The following PCDHA9 variants were observed in gnomAD, a reference collection of about 807,000 sequenced individuals.
PCDHA9 encodes protocadherin alpha 9, also known as protocadherin alpha-9.
PCDHA9 carries 62 observed loss-of-function variants against 62.0 expected under a neutral mutation model. The observed-to-expected ratio is 1.00, with a 90% CI of 0.81 to 1.23. The LOEUF (loss-of-function observed/expected upper bound fraction) is 1.23. PCDHA9 is among the 50% of genes most tolerant of loss of function. The pLI, the probability that PCDHA9 is intolerant of heterozygous loss-of-function variation, is 0.00. For synonymous variants in PCDHA9, 557 were observed against 567.6 expected, an observed-to-expected ratio of 0.98 and a Z score of 0.27; for missense variants, 1,205 against 1,249.8, an observed-to-expected ratio of 0.96 and a Z score of 0.54.
At position 140,927,227 on chromosome 5, in the gene PCDHA9, T is replaced by G. The variant is rs782721972; in HGVS notation, c.2395-51722T>G. The G allele has an allele frequency of 3.2e-5, 51 of 1,613,848 alleles. No individual in the cohort carries two copies. The highest frequency in any genetic ancestry group is 1.6e-4 in the Middle Eastern group (1 of 6,084). ...CCGCTGGAGCTGCACAAGATTCGGA[T>G]TCACGTCCTGGACACCAATGACAAC... On this transcript the variant is annotated intron_variant, in intron 1 of 3. Coordinates refer to ENST00000532602, the MANE Select transcript of PCDHA9 (RefSeq NM_031857.2).
intron 1 of PCDHA9, chr5:140,857,901 G>C: frequency 1.3e-6 from 2 of 1,597,732 alleles, no homozygotes; most frequent in Non-Finnish European, 1.7e-6. Context: ...GTTGGTGCAC[G>C]CATCCCGTTT....
intron 1 of PCDHA9, among the ~76,000 whole-genome samples, chr5:140,916,590 G>A (rs1022726274): frequency 2.0e-5 from 3 of 152,182 alleles, no homozygotes; most frequent in Non-Finnish European, 4.4e-5. Flanking sequence ...CCATGAGCTA[G>A]GGCCTGGAAT....
Position 141,010,647 on chromosome 5 carries a change from GT to G in PCDHA9, c.*714del, listed in dbSNP as rs782752760. ...CATACCTGCAAGCCAACAGTTCAGT[GT>G]TTTAACAGAGAACCACCCTGGGAAA... On this transcript the variant is annotated 3_prime_UTR_variant, in exon 4 of 4. Coordinates refer to ENST00000532602, the MANE Select transcript of PCDHA9 (RefSeq NM_031857.2). 4.6e-5 allele frequency: 8 copies of G among 173,154 alleles called. No homozygotes were observed. Among genetic ancestry groups the G allele is most frequent in the Admixed American group, 1.2e-4 (2 of 16,978 alleles). 10.7% of individuals were successfully genotyped at this position (173,154 alleles called of 1,614,324 possible).
At chr5:140,913,789 T>C (rs2076466373) in intron 1 of PCDHA9, among the ~76,000 whole-genome samples, 1 of 152,176 alleles carries the variant, frequency 6.6e-6, no homozygotes, top group African/African-American at 2.4e-5. Context: ...CCATTATCAT[T>C]TGTTTGAATC....
intron 1 of PCDHA9, chr5:140,966,278 T>TGG (rs1173319352): frequency 3.6e-5 from 13 of 363,192 alleles, no homozygotes; most frequent in Admixed American, 2.8e-4. Context: ...AACTGGACAG[T>TGG]GGGGGTAGGG....
chr5:140,905,342 TGTAA>T (rs2071759657), intron 1 of PCDHA9, among the ~76,000 whole-genome samples: 1 of 152,234 alleles, frequency 6.6e-6, no homozygotes, highest in Non-Finnish European at 1.5e-5. Context: ...ATCAGTTGGC[TGTAA>T]GTATTTGACT....
chr5:140,853,347 T>A, intron 1 of PCDHA9: 1 of 983,892 alleles, frequency 1.0e-6, no homozygotes. Context: ...TTAGCAAACA[T>A]GAACTCACAG....
intron 1 of PCDHA9, among the ~76,000 whole-genome samples, chr5:140,930,790 A>G (rs155822): frequency 0.047 from 7,177 of 152,302 alleles, 299 homozygotes; most frequent in African/African-American, 0.11. Context: ...ACAATATAAT[A>G]GAATCCAGCA....
intron 1 of PCDHA9, among the ~76,000 whole-genome samples, chr5:140,878,558 C>T: frequency 6.6e-6 from 1 of 152,172 alleles, no homozygotes; most frequent in African/African-American, 2.4e-5. Flanking sequence ...TGATCCCAAA[C>T]TTATCATAGT....
intron 3 of PCDHA9, among the ~76,000 whole-genome samples, chr5:141,003,377 T>C (rs2098121331): frequency 6.6e-6 from 1 of 152,180 alleles, no homozygotes; most frequent in African/African-American, 2.4e-5. Context: ...AGTGGTGCAA[T>C]CTCAGCTCAC....
intron 1 of PCDHA9, chr5:140,871,249 C>A (rs782675743): frequency 8.1e-6 from 13 of 1,613,984 alleles, no homozygotes; most frequent in South Asian, 1.1e-5. Flanking sequence ...CACGCTGCTG[C>A]TGTATACGGC....
chr5:140,871,329 C>T (rs1164407502), intron 1 of PCDHA9: 3 of 1,614,060 alleles, frequency 1.9e-6, no homozygotes, highest in African/African-American at 2.7e-5. Flanking sequence ...TGTGCTCCCG[C>T]GCGGTGGGGA....
At chr5:140,970,884 A>G (rs1013057138) in intron 1 of PCDHA9, among the ~76,000 whole-genome samples, 1 of 152,218 alleles carries the variant, frequency 6.6e-6, no homozygotes, top group Admixed American at 6.5e-5. Context: ...GATTTTTCTC[A>G]TGGACATTTC....
At chr5:140,882,457 G>A (rs781908788) in intron 1 of PCDHA9, 2 of 1,613,938 alleles carry the variant, frequency 1.2e-6, no homozygotes, top group East Asian at 2.2e-5. Flanking sequence ...TGCCGCGCCT[G>A]TTCCGGGTGG....
chr5:140,893,636 G>A (rs2064097174), intron 1 of PCDHA9, among the ~76,000 whole-genome samples: 1 of 152,170 alleles, frequency 6.6e-6, no homozygotes, highest in Non-Finnish European at 1.5e-5. Flanking sequence ...GCTTGGTATA[G>A]TATTTTTGGC....
At chr5:140,930,778 T>G (rs891094443) in intron 1 of PCDHA9, among the ~76,000 whole-genome samples, 1 of 152,200 alleles carries the variant, frequency 6.6e-6, no homozygotes, top group African/African-American at 2.4e-5. Flanking sequence ...CTTAATATTT[T>G]CACAATATAA....
At position 140,882,956 on chromosome 5, in the gene PCDHA9, A is replaced by G; in HGVS notation, c.2394+32067A>G. The stretch of plus-strand genomic sequence containing the variant: ...GCTGACTGGCACAGTTCAGCTGCTC[A>G]TCACGATTCTGGACGTGAATGACAA... On this transcript the variant is annotated intron_variant, in intron 1 of 3. Coordinates refer to ENST00000532602, the MANE Select transcript of PCDHA9 (RefSeq NM_031857.2). The G allele has an allele frequency of 6.2e-7, 1 of 1,614,228 alleles. No individual in the cohort carries two copies. The highest frequency in any genetic ancestry group is 8.5e-7 in the Non-Finnish European group (1 of 1,180,044).
chr5:140,983,924 A>G (rs1554245819), intron 3 of PCDHA9, among the ~76,000 whole-genome samples: 1 of 152,216 alleles, frequency 6.6e-6, no homozygotes, highest in African/African-American at 2.4e-5. Flanking sequence ...AGGATTTGCT[A>G]TTTATGGATG....
Position 140,849,845 on chromosome 5 carries a change from C to G in PCDHA9, c.1350C>G (p.Asp450Glu), listed in dbSNP as rs2150453241. ...RVSVEVADVNDNAPAFAQSEY... is the reference protein window; with the variant it reads ...RVSVEVADVNENAPAFAQSEY... ...CTGTGGAGGTGGCCGACGTGAACGA[C>G]AACGCACCAGCGTTCGCGCAGTCCG... The change falls in exon 1 of 4, where the codon GAC becomes GAG. Residue 450 changes from aspartate (D) to glutamate (E), a missense_variant. By Grantham distance (45) the Asp-to-Glu change is conservative. Coordinates refer to ENST00000532602, the MANE Select transcript of PCDHA9 (RefSeq NM_031857.2). 6.3e-7 allele frequency: 1 copy of G among 1,598,630 alleles called. No individual in the cohort carries two copies. Among genetic ancestry groups the G allele is most frequent in the East Asian group, 2.2e-5 (1 of 44,850 alleles).
Sources: gnomAD v4.1 joint callset for allele counts (sites outside exome capture counted in the v4.1 genomes callset) on GRCh38, gnomAD v4.1.1 for gene constraint, MANE v1.5 for transcripts, NCBI Gene and HGNC (gene_info 2026-07-23, HGNC 2026-07-21) for gene names.